PYGO1: variants seen among roughly 807,000 people sequenced by gnomAD.
PYGO1 encodes the protein pygopus homolog 1.
A neutral mutation model predicts 29.5 loss-of-function variants in PYGO1; 6 were observed. The ratio of observed to expected loss-of-function variants is 0.20; its 90% CI spans 0.11 to 0.40. PYGO1 has a LOEUF of 0.40. PYGO1 is among the 10% of genes least tolerant of loss of function. The probability of loss-of-function intolerance (pLI) is 1.00; values close to 1 mark genes in which losing one functional copy is unlikely to be tolerated. For synonymous variants in PYGO1, 186 were observed against 180.5 expected (o/e 1.03, Z -0.24); for missense variants, 515 against 514.9 (o/e 1.00, Z 0.00).
At chr15:55,553,779 A>G (rs2058890896) in intron 1 of PYGO1, among the ~76,000 whole-genome samples, 1 of 152,048 alleles carries the variant, frequency 6.6e-6, no homozygotes, top group African/African-American at 2.4e-5. Flanking sequence ...CAAGCCAGCA[A>G]TAGGTCAGGA....
intron 1 of PYGO1, among the ~76,000 whole-genome samples, chr15:55,555,876 A>G (rs7180827): frequency 0.35 from 53,668 of 151,782 alleles, 9,697 homozygotes; most frequent in South Asian, 0.46. Context: ...CAGGGGTTGC[A>G]ATACTAGTTT....
chr15:55,565,550 A>T (rs2058952146), intron 1 of PYGO1, among the ~76,000 whole-genome samples: 2 of 151,502 alleles, frequency 1.3e-5, no homozygotes, highest in South Asian at 4.2e-4. Context: ...CTAAAAATAA[A>T]AATTAAAAAA....
intron 1 of PYGO1, among the ~76,000 whole-genome samples, chr15:55,571,456 T>C (rs2058979649): frequency 6.6e-6 from 1 of 152,144 alleles, no homozygotes; most frequent in South Asian, 2.1e-4. Context: ...TGAATTCCCA[T>C]GTGTTGTGGG....
intron 1 of PYGO1, among the ~76,000 whole-genome samples, chr15:55,587,382 G>T (rs1467564097): frequency 6.7e-6 from 1 of 149,096 alleles, no homozygotes; most frequent in African/African-American, 2.5e-5. Flanking sequence ...GGGTGGGGGG[G>T]CGAGAAGGGG....
intron 1 of PYGO1, among the ~76,000 whole-genome samples, chr15:55,577,252 T>G (rs951348991): frequency 2.5e-4 from 38 of 152,174 alleles, no homozygotes; most frequent in Admixed American, 2.5e-3. Context: ...TTCAAAAGAA[T>G]GCAAACTTTT....
At chr15:55,573,357 T>A (rs76489403) in intron 1 of PYGO1, among the ~76,000 whole-genome samples, 141 of 151,504 alleles carry the variant, frequency 9.3e-4, no homozygotes, top group African/African-American at 3.2e-3. Flanking sequence ...TTGGTGAGGA[T>A]GTGGAGGAAA....
chr15:55,569,867 C>T (rs1457384826), intron 1 of PYGO1, among the ~76,000 whole-genome samples: 1 of 152,162 alleles, frequency 6.6e-6, no homozygotes, highest in Non-Finnish European at 1.5e-5. Flanking sequence ...ACTAAAATGC[C>T]TATATAGCTG....
At chr15:55,581,939 GC>G (rs1230686842) in intron 1 of PYGO1, among the ~76,000 whole-genome samples, 1 of 152,176 alleles carries the variant, frequency 6.6e-6, no homozygotes, top group African/African-American at 2.4e-5. Flanking sequence ...GGGCGCAGTG[GC>G]TCATGCCTAC....
chr15:55,549,265 G>A (rs964683835), intron 1 of PYGO1, among the ~76,000 whole-genome samples: 1 of 152,062 alleles, frequency 6.6e-6, no homozygotes, highest in Non-Finnish European at 1.5e-5. Flanking sequence ...CTGGTTCCCT[G>A]TCTCAGAGGC....
In PYGO1 at chr15:55,545,345, A is replaced by C. The variant is rs1190356521; in HGVS notation, c.*678T>G. 2 of 152,216 alleles carry C rather than the reference A, an allele frequency of 1.3e-5. No individual in the cohort carries two copies. Among genetic ancestry groups the C allele is most frequent in the East Asian group, 3.8e-4 (2 of 5,196 alleles). 9.4% of individuals were successfully genotyped at this position (152,216 alleles called of 1,614,324 possible). ...ACGTTATACCAACTTTACTAATTGC[A>C]GTCAATTTTCAACTGATCTAATATT... On this transcript the variant is annotated 3_prime_UTR_variant, in exon 3 of 3. Coordinates refer to ENST00000563719, the MANE Select transcript of PYGO1 (RefSeq NM_001367806.1).
At position 55,546,264 on chromosome 15, in the gene PYGO1, A is replaced by T; in HGVS notation, c.1019T>A (p.Val340Glu). 6.2e-7 allele frequency: 1 copy of T among 1,614,184 alleles called. No homozygotes were observed. Among genetic ancestry groups the T allele is most frequent in the Non-Finnish European group, 8.5e-7 (1 of 1,180,024 alleles). The part of the protein sequence containing the change: ...NRHGHSSSDP[V>E]YPCGICTNEV... Reference sequence around the variant, plus strand: ...GTTTGTACAAATTCCACAAGGATACACTGGGTCAGAAGACGAATGGCCATG... The same window carrying T: ...GTTTGTACAAATTCCACAAGGATACTCTGGGTCAGAAGACGAATGGCCATG... Residue 340 changes from valine to glutamate, a missense_variant, in exon 3 of 3, where the codon GTG (valine) becomes GAG (glutamate). Coordinates refer to ENST00000563719, the MANE Select transcript of PYGO1 (RefSeq NM_001367806.1).
chr15:55,582,669 C>A (rs2059029999), intron 1 of PYGO1, among the ~76,000 whole-genome samples: 2 of 152,150 alleles, frequency 1.3e-5, no homozygotes, highest in South Asian at 4.1e-4. Context: ...TGAACTCAAC[C>A]CAGTTCCAAA....
chr15:55,554,854 T>C (rs2058897000), intron 1 of PYGO1, among the ~76,000 whole-genome samples: 1 of 152,034 alleles, frequency 6.6e-6, no homozygotes, highest in Non-Finnish European at 1.5e-5. Flanking sequence ...CCAAGGAATA[T>C]GGAATTATGT....
intron 1 of PYGO1, among the ~76,000 whole-genome samples, chr15:55,551,735 G>A (rs555814191): frequency 6.6e-6 from 1 of 152,032 alleles, no homozygotes; most frequent in African/African-American, 2.4e-5. Context: ...TGATCTCAGG[G>A]GTTGGAGGCT....
At chr15:55,561,155 C>T (rs531104029) in intron 1 of PYGO1, among the ~76,000 whole-genome samples, 2 of 152,224 alleles carry the variant, frequency 1.3e-5, no homozygotes, top group South Asian at 2.1e-4. Context: ...AACAACGAAA[C>T]AGAAGAGAGA....
chr15:55,584,910 T>C (rs961251324), intron 1 of PYGO1, among the ~76,000 whole-genome samples: 1 of 152,200 alleles, frequency 6.6e-6, no homozygotes, highest in Non-Finnish European at 1.5e-5. Context: ...GGTCTATTAG[T>C]GGCATTTCTC....
chr15:55,544,214 T>TA lies in PYGO1; in HGVS notation c.*1808dup, dbSNP rs1488624499. On this transcript the variant is annotated 3_prime_UTR_variant, in exon 3 of 3. Transcript: ENST00000563719. ...TAGGTCAAAATTAAAACAATGTATT[T>TA]AAAAAAATAAGTTTTATTCAATCAA... The TA allele has an allele frequency of 1.3e-5, 2 of 152,110 alleles. No homozygotes were observed. The highest frequency in any genetic ancestry group is 6.6e-5 in the Admixed American group (1 of 15,256). The allele number at this position is 152,110 out of a possible 1,614,324, so 9.4% of individuals were successfully genotyped here.
At chr15:55,559,067 A>T (rs1319813493) in intron 1 of PYGO1, among the ~76,000 whole-genome samples, 1 of 152,094 alleles carries the variant, frequency 6.6e-6, no homozygotes, top group Non-Finnish European at 1.5e-5. Flanking sequence ...ATGGGAGAAA[A>T]TTTTTGCAAT....
intron 1 of PYGO1, among the ~76,000 whole-genome samples, chr15:55,555,962 T>C (rs1231390403): frequency 6.6e-6 from 1 of 152,126 alleles, no homozygotes; most frequent in East Asian, 1.9e-4. Context: ...CTAACTATCC[T>C]AAATATATTT....
Sources: gnomAD v4.1 joint callset for allele counts (sites outside exome capture counted in the v4.1 genomes callset) on GRCh38, gnomAD v4.1.1 for gene constraint, MANE v1.5 for transcripts, NCBI Gene and HGNC (gene_info 2026-07-23, HGNC 2026-07-21) for gene names.